TTC28: variants seen among roughly 807,000 people sequenced by gnomAD.
The protein encoded by TTC28 is tetratricopeptide repeat domain 28.
A neutral mutation model predicts 198.0 loss-of-function variants in TTC28; 61 were observed. The ratio of observed to expected loss-of-function variants is 0.31; its 90% CI spans 0.25 to 0.38. The LOEUF (loss-of-function observed/expected upper bound fraction) is 0.38. Ranked by LOEUF, TTC28 falls within the 10% of genes least tolerant of loss-of-function variation. The pLI is 1.00. For synonymous variants in TTC28, 1,171 were observed against 1,297.8 expected, an observed-to-expected ratio of 0.90 and a Z score of 2.10; for missense variants, 2,678 against 3,164.0, an observed-to-expected ratio of 0.85 and a Z score of 3.69.
chr22:28,378,051 T>G (rs114704768), intron 2 of TTC28, among the ~76,000 whole-genome samples: 126 of 152,208 alleles, frequency 8.3e-4, no homozygotes, highest in African/African-American at 2.9e-3. Context: ...CATTTAAAAA[T>G]GCAGAGGGGG....
intron 2 of TTC28, among the ~76,000 whole-genome samples, chr22:28,460,616 T>C (rs1240333142): frequency 1.7e-4 from 1 of 5,960 alleles, no homozygotes; most frequent in African/African-American, 6.7e-4. Flanking sequence ...GGTAGATAGA[T>C]AGATAGATAG....
intron 11 of TTC28, 85 bp from the exon 12 acceptor site, chr22:28,094,330 T>C (rs1941906836): frequency 1.5e-6 from 2 of 1,376,162 alleles, no homozygotes; most frequent in African/African-American, 1.5e-5. Context: ...GGAATGCCAA[T>C]GGTATGTGAC....
intron 12 of TTC28, among the ~76,000 whole-genome samples, chr22:28,065,209 C>G (rs1940706292): frequency 6.6e-6 from 1 of 152,128 alleles, no homozygotes; most frequent in Non-Finnish European, 1.5e-5. Context: ...ACGTTCTCTT[C>G]CCACAGTGGT....
chr22:28,407,371 C>CA (rs1298061275), intron 2 of TTC28, among the ~76,000 whole-genome samples: 1 of 152,076 alleles, frequency 6.6e-6, no homozygotes, highest in Non-Finnish European at 1.5e-5. Context: ...CTCTACTGAA[C>CA]AAAGGCCTTT....
At chr22:28,166,752 A>C (rs1269955338) in intron 5 of TTC28, among the ~76,000 whole-genome samples, 1 of 152,220 alleles carries the variant, frequency 6.6e-6, no homozygotes, top group Admixed American at 6.5e-5. Flanking sequence ...CTAACATCAC[A>C]ATTAGAAGAA....
At chr22:28,542,277 A>G (rs191160524) in intron 2 of TTC28, among the ~76,000 whole-genome samples, 1 of 152,324 alleles carries the variant, frequency 6.6e-6, no homozygotes, top group African/African-American at 2.4e-5. Flanking sequence ...ACCAAAGCAC[A>G]AAGACTGAAT....
chr22:28,623,524 T>C (rs1025819406), intron 2 of TTC28, among the ~76,000 whole-genome samples: 2 of 152,082 alleles, frequency 1.3e-5, no homozygotes, highest in Admixed American at 1.3e-4. Context: ...ACAGAAGATA[T>C]GAGCAACAAG....
intron 2 of TTC28, among the ~76,000 whole-genome samples, chr22:28,465,347 C>T (rs528317203): frequency 6.6e-5 from 10 of 152,052 alleles, no homozygotes; most frequent in African/African-American, 2.4e-5. Flanking sequence ...TATCCTGGGC[C>T]GGGCACCGTG....
intron 5 of TTC28, among the ~76,000 whole-genome samples, chr22:28,167,981 T>C (rs570261665): frequency 5.9e-5 from 9 of 152,326 alleles, no homozygotes; most frequent in African/African-American, 2.2e-4. Context: ...AGTCTCAGAA[T>C]ACAAAATCAA....
chr22:28,277,731 T>G (rs1410181824), intron 5 of TTC28, among the ~76,000 whole-genome samples: 2 of 152,204 alleles, frequency 1.3e-5, no homozygotes, highest in Non-Finnish European at 2.9e-5. Flanking sequence ...CTGTGTAATG[T>G]TATGAAAAAT....
intron 5 of TTC28, among the ~76,000 whole-genome samples, chr22:28,225,182 C>T (rs1233019201): frequency 1.3e-5 from 2 of 151,948 alleles, no homozygotes; most frequent in South Asian, 2.1e-4. Context: ...TAGTGAAACC[C>T]CATCTCTACT....
intron 13 of TTC28, among the ~76,000 whole-genome samples, chr22:28,026,212 T>C (rs1938826503): frequency 6.6e-6 from 1 of 152,220 alleles, no homozygotes; most frequent in South Asian, 2.1e-4. Context: ...GGAAAAGCTC[T>C]GCAGGGTTTC....
chr22:28,135,480 G>A (rs960317394), intron 6 of TTC28, among the ~76,000 whole-genome samples: 1 of 152,154 alleles, frequency 6.6e-6, no homozygotes, highest in Admixed American at 6.5e-5. Flanking sequence ...AGTTTTAGAA[G>A]GCAAGTAAAG....
At chr22:28,617,529 C>T (rs1017662074) in intron 2 of TTC28, among the ~76,000 whole-genome samples, 7 of 151,726 alleles carry the variant, frequency 4.6e-5, no homozygotes, top group South Asian at 2.1e-4. Flanking sequence ...ATATGGTCTA[C>T]GAATGAAGGT....
At chr22:28,146,309 C>T (rs541678381) in intron 6 of TTC28, among the ~76,000 whole-genome samples, 30 of 152,294 alleles carry the variant, frequency 2.0e-4, no homozygotes, top group African/African-American at 6.0e-4. Flanking sequence ...CAGGGGAGAA[C>T]GATCATGAAA....
At chr22:28,496,133 A>T (rs1355551575) in intron 2 of TTC28, among the ~76,000 whole-genome samples, 3 of 151,920 alleles carry the variant, frequency 2.0e-5, no homozygotes, top group Non-Finnish European at 2.9e-5. Flanking sequence ...CTTTTGCTGA[A>T]TCCTCCTCAT....
intron 5 of TTC28, among the ~76,000 whole-genome samples, chr22:28,170,758 G>C (rs560164772): frequency 7.9e-5 from 12 of 152,174 alleles, no homozygotes; most frequent in African/African-American, 2.9e-4. Flanking sequence ...TGGTTACTCT[G>C]GAGGGCTTAG....
At chr22:28,414,808 A>G (rs957539492) in intron 2 of TTC28, among the ~76,000 whole-genome samples, 10 of 152,234 alleles carry the variant, frequency 6.6e-5, no homozygotes, top group Non-Finnish European at 1.3e-4. Context: ...CACAGTCTAT[A>G]TAATTCAATT....
intron 1 of TTC28, among the ~76,000 whole-genome samples, chr22:28,670,851 C>T (rs757591039): frequency 1.3e-5 from 2 of 152,052 alleles, no homozygotes; most frequent in Non-Finnish European, 2.9e-5. Flanking sequence ...TTCTCCACAT[C>T]CTCACCAGTA....
Sources: gnomAD v4.1 joint callset for allele counts (sites outside exome capture counted in the v4.1 genomes callset) on GRCh38, gnomAD v4.1.1 for gene constraint, MANE v1.5 for transcripts, NCBI Gene and HGNC (gene_info 2026-07-23, HGNC 2026-07-21) for gene names.